The following SMOC1 variants were observed in gnomAD, a reference collection of about 807,000 sequenced individuals.
SMOC1 encodes the protein SPARC related modular calcium binding 1.
A neutral mutation model predicts 56.3 loss-of-function variants in SMOC1; 22 were observed. The observed-to-expected ratio is 0.39, with a 90% CI of 0.28 to 0.56. The LOEUF is 0.56. Among genes scored for constraint, SMOC1 ranks in the 20% least tolerant of loss-of-function variants. The pLI, the probability that SMOC1 is intolerant of heterozygous loss-of-function variation, is 0.61. For synonymous variants in SMOC1, 193 were observed against 215.0 expected (o/e 0.90, Z 0.89); for missense variants, 509 against 565.4 (o/e 0.90, Z 1.01).
intron 1 of SMOC1, among the ~76,000 whole-genome samples, chr14:69,913,746 A>G (rs1463775285): frequency 6.6e-6 from 1 of 152,156 alleles, no homozygotes; most frequent in Non-Finnish European, 1.5e-5. Flanking sequence ...AAGCAAGAGG[A>G]AATCAATTTC....
rs775149491 is a variant in SMOC1 at position 70,011,493 on chromosome 14, T to C, written c.866T>C (p.Met289Thr). The part of the protein sequence containing the change: ...PLPGTSTRYV[M>T]PSCESDARAK... The stretch of plus-strand genomic sequence containing the variant: ...TATCTCTCTTTTCCCAGCTACGTGA[T>C]GCCCAGTTGTGAGAGCGACGCCAGG... Residue 289 changes from methionine to threonine, a missense_variant, in exon 9 of 12, where the codon ATG becomes ACG. Around this residue, in one of 3 missense-constraint regions of SMOC1, gnomAD observed 18 missense variants for 44.2 expected, o/e 0.41. Coordinates refer to ENST00000361956, the MANE Select transcript of SMOC1 (RefSeq NM_001034852.3). 1.3e-6 allele frequency: 2 copies of C among 1,588,984 alleles called. No homozygotes were observed. The highest frequency in any genetic ancestry group is 1.7e-6 in the Non-Finnish European group (2 of 1,163,650).
At chr14:69,992,640 A>C (rs1009158049) in intron 6 of SMOC1, among the ~76,000 whole-genome samples, 167 bp downstream of exon 6, 1 of 152,166 alleles carries the variant, frequency 6.6e-6, no homozygotes, top group Non-Finnish European at 1.5e-5. Flanking sequence ...AAAAATGCAG[A>C]TCCTCCCAGG....
At chr14:69,995,894 C>T (rs1884745372) in intron 7 of SMOC1, among the ~76,000 whole-genome samples, 1 of 151,978 alleles carries the variant, frequency 6.6e-6, no homozygotes, top group Non-Finnish European at 1.5e-5. Context: ...TCTTAGGACC[C>T]CCTCTATTCC....
chr14:70,011,716 T>C (rs1419783112), intron 9 of SMOC1, 149 bp downstream of exon 9: 1 of 751,682 alleles, frequency 1.3e-6, no homozygotes, highest in Non-Finnish European at 2.3e-6. Context: ...GGTCTGGGAT[T>C]TATCCCTAAT....
intron 10 of SMOC1, among the ~76,000 whole-genome samples, chr14:70,016,605 C>T (rs1885521834): frequency 6.6e-6 from 1 of 152,192 alleles, no homozygotes; most frequent in Non-Finnish European, 1.5e-5. Flanking sequence ...GATCTTCCCA[C>T]TGTATTCAGC....
At chr14:69,914,466 G>T (rs1471190811) in intron 1 of SMOC1, among the ~76,000 whole-genome samples, 1 of 152,144 alleles carries the variant, frequency 6.6e-6, no homozygotes, top group Non-Finnish European at 1.5e-5. Flanking sequence ...AAACTAAAAG[G>T]CATCTTCAGA....
intron 7 of SMOC1, among the ~76,000 whole-genome samples, chr14:69,996,436 T>A (rs1255938438): frequency 6.6e-6 from 1 of 152,234 alleles, no homozygotes; most frequent in East Asian, 1.9e-4. Flanking sequence ...GAAAACTAGT[T>A]ATCCTTGGGA....
chr14:69,934,353 C>T (rs575304481), intron 1 of SMOC1, among the ~76,000 whole-genome samples: 78 of 152,264 alleles, frequency 5.1e-4, no homozygotes, highest in African/African-American at 1.8e-3. Flanking sequence ...CTCCATCCAC[C>T]GAGGCATACA....
chr14:69,928,820 AT>A (rs1200140870), intron 1 of SMOC1, among the ~76,000 whole-genome samples: 5 of 152,192 alleles, frequency 3.3e-5, no homozygotes, highest in Non-Finnish European at 7.3e-5. Flanking sequence ...GCATGCGTAT[AT>A]TAAATATAAT....
At chr14:69,966,921 C>A (rs930953866) in intron 3 of SMOC1, among the ~76,000 whole-genome samples, 3 of 152,196 alleles carry the variant, frequency 2.0e-5, no homozygotes, top group African/African-American at 7.2e-5. Context: ...CATTCCCATA[C>A]CATAGGGATT....
At chr14:69,953,149 A>T (rs1566686504) in intron 2 of SMOC1, among the ~76,000 whole-genome samples, 1 of 148,104 alleles carries the variant, frequency 6.8e-6, no homozygotes, top group Non-Finnish European at 1.5e-5. Flanking sequence ...GAACTAAAAC[A>T]TTTTTTTTTC....
intron 1 of SMOC1, among the ~76,000 whole-genome samples, chr14:69,884,097 G>A (rs974398501): frequency 4.0e-5 from 6 of 150,960 alleles, no homozygotes; most frequent in Non-Finnish European, 8.8e-5. Context: ...TAGTAGAGAC[G>A]GGGTTTCACC....
chr14:69,947,087 G>GCCTTCCTTCCTTCCTTCCTTCCTT (rs35916933), intron 1 of SMOC1, among the ~76,000 whole-genome samples: 17 of 143,472 alleles, frequency 1.2e-4, no homozygotes, highest in South Asian at 2.3e-4. Context: ...TCTCAGGCCG[G>GCCTTCCTTCCTTCCTTCCTTCCTT]CCTTCCTTCC....
At chr14:70,001,809 T>C (rs1389382646) in intron 7 of SMOC1, among the ~76,000 whole-genome samples, 1 of 152,212 alleles carries the variant, frequency 6.6e-6, no homozygotes, top group African/African-American at 2.4e-5. Context: ...AGAGTTACCT[T>C]ACTTTTACAC....
chr14:69,991,063 A>C (rs1053025368), intron 5 of SMOC1, among the ~76,000 whole-genome samples: 2 of 152,186 alleles, frequency 1.3e-5, no homozygotes, highest in Non-Finnish European at 2.9e-5. Flanking sequence ...AGGTACTGAG[A>C]GCTCCAAATG....
chr14:69,999,343 C>T (rs1173716169), intron 7 of SMOC1, among the ~76,000 whole-genome samples: 1 of 152,124 alleles, frequency 6.6e-6, no homozygotes, highest in Non-Finnish European at 1.5e-5. Flanking sequence ...AGCCAGCACT[C>T]TTGGCCCGCC....
chr14:69,886,589 A>G (rs1237291508), intron 1 of SMOC1, among the ~76,000 whole-genome samples: 4 of 152,194 alleles, frequency 2.6e-5, no homozygotes, highest in Non-Finnish European at 5.9e-5. Flanking sequence ...TGAATAGGGA[A>G]ACTGGCTTTA....
chr14:69,963,855 C>G (rs2139472606), intron 3 of SMOC1, among the ~76,000 whole-genome samples: 1 of 152,312 alleles, frequency 6.6e-6, no homozygotes, highest in South Asian at 2.1e-4. Flanking sequence ...AGTGACCGGT[C>G]TAATCTCTTG....
intron 1 of SMOC1, among the ~76,000 whole-genome samples, chr14:69,899,768 T>C (rs1469677019): frequency 6.6e-6 from 1 of 152,204 alleles, no homozygotes; most frequent in Non-Finnish European, 1.5e-5. Context: ...CTCAGACTTA[T>C]TCCTCCTGAG....
Sources: allele counts gnomAD v4.1 joint callset (sites outside exome capture counted in the v4.1 genomes callset), GRCh38; gene constraint gnomAD v4.1.1; regional missense constraint gnomAD v4.1.1; transcripts MANE v1.5; gene names NCBI Gene and HGNC (gene_info 2026-07-23, HGNC 2026-07-21).